Variants in PBX1 observed in about 807,000 individuals in gnomAD.
PBX1 encodes PBX homeobox 1, also known as pre-B-cell leukemia transcription factor 1.
A neutral mutation model predicts 53.4 loss-of-function variants in PBX1; 6 were observed. That is an observed-to-expected ratio of 0.11 (90% CI 0.06 to 0.22). PBX1 has a LOEUF of 0.22. Among genes scored for constraint, PBX1 ranks in the 10% least tolerant of loss-of-function variants. PBX1 has a pLI of 1.00. For missense variants in PBX1, 251 were observed against 551.4 expected, an observed-to-expected ratio of 0.46 and a Z score of 5.46; for synonymous variants, 204 against 212.3, an observed-to-expected ratio of 0.96 and a Z score of 0.34.
intron 2 of PBX1, among the ~76,000 whole-genome samples, chr1:164,709,631 C>T (rs984608342): frequency 6.6e-6 from 1 of 151,660 alleles, no homozygotes; most frequent in African/African-American, 2.4e-5. Context: ...GCTGGCCAGT[C>T]TCTTATTAAT....
chr1:164,578,059 A>G (rs1477864479), intron 2 of PBX1, among the ~76,000 whole-genome samples: 6 of 152,080 alleles, frequency 3.9e-5, no homozygotes, highest in Non-Finnish European at 5.9e-5. Context: ...CATTTATTCT[A>G]TTGACTCCTC....
chr1:164,740,066 G>A (rs1665522952), intron 2 of PBX1, among the ~76,000 whole-genome samples: 1 of 152,144 alleles, frequency 6.6e-6, no homozygotes, highest in Non-Finnish European at 1.5e-5. Flanking sequence ...TTTTATGTCT[G>A]AAGAAGAAAC....
intron 2 of PBX1, among the ~76,000 whole-genome samples, chr1:164,740,314 G>A (rs1017284392): frequency 6.6e-5 from 10 of 151,798 alleles, no homozygotes; most frequent in African/African-American, 1.9e-4. Flanking sequence ...TACTTTATAC[G>A]TGCCAAAGAA....
At chr1:164,729,373 C>CT (rs1370310330) in intron 2 of PBX1, among the ~76,000 whole-genome samples, 5 of 151,958 alleles carry the variant, frequency 3.3e-5, no homozygotes, top group Non-Finnish European at 5.9e-5. Context: ...TTTTTCCTTC[C>CT]TTTTTTTCCT....
intron 2 of PBX1, among the ~76,000 whole-genome samples, chr1:164,630,174 G>T (rs1453128989): frequency 2.0e-5 from 3 of 152,078 alleles, no homozygotes; most frequent in African/African-American, 7.2e-5. Flanking sequence ...GTTTTCACTG[G>T]GCAAAATAAT....
At chr1:164,784,330 C>G (rs899443094) in intron 2 of PBX1, among the ~76,000 whole-genome samples, 2 of 152,322 alleles carry the variant, frequency 1.3e-5, no homozygotes, top group South Asian at 2.1e-4. Flanking sequence ...GCAGCCGGCA[C>G]CCATCCAGAA....
rs1571055342 is a variant in PBX1, at chr1:164,607,813, A to G, written c.265+44502A>G. Among the ~76,000 whole-genome samples, 4 of 152,306 alleles carry G rather than the reference A, an allele frequency of 2.6e-5. No individual in the cohort carries two copies. In the East Asian group the frequency reaches 7.7e-4, roughly 29 times the overall value. ...GGCAAGAGAAAAATCTGGAGGGAGT[A>G]GCATCTTAAAAGCCAAGGGGAGTTT... On this transcript the variant is annotated intron_variant, in intron 2 of 8. Transcript: ENST00000420696.
intron 2 of PBX1, among the ~76,000 whole-genome samples, chr1:164,739,592 C>G (rs1665487274): frequency 6.6e-6 from 1 of 152,138 alleles, no homozygotes; most frequent in Non-Finnish European, 1.5e-5. Context: ...TTTCTAAAAG[C>G]AGATATGGCA....
intron 3 of PBX1, among the ~76,000 whole-genome samples, chr1:164,794,005 G>T (rs1668664092): frequency 6.6e-6 from 1 of 151,290 alleles, no homozygotes; most frequent in Non-Finnish European, 1.5e-5. Flanking sequence ...CTCCTGAGTA[G>T]CTGGGATTAC....
At chr1:164,803,706 C>A (rs1258675333) in intron 4 of PBX1, among the ~76,000 whole-genome samples, 1 of 152,146 alleles carries the variant, frequency 6.6e-6, no homozygotes, top group Admixed American at 6.5e-5. Context: ...AGGAAAGATC[C>A]ACTGAAAACC....
At chr1:164,738,672 C>T (rs1001107666) in intron 2 of PBX1, among the ~76,000 whole-genome samples, 1 of 152,164 alleles carries the variant, frequency 6.6e-6, no homozygotes, top group Non-Finnish European at 1.5e-5. Context: ...CTTTTCCATA[C>T]AGGACAAATT....
At chr1:164,617,418 G>A (rs1044781123) in intron 2 of PBX1, among the ~76,000 whole-genome samples, 1 of 152,212 alleles carries the variant, frequency 6.6e-6, no homozygotes, top group African/African-American at 2.4e-5. Context: ...TTTCCAATAT[G>A]GGATCAGACA....
In PBX1 at chr1:164,867,947, C is replaced by T. The variant is rs1571544661; in HGVS notation, n.258-31241C>T. 4.6e-5 allele frequency among the ~76,000 whole-genome samples: 7 copies of T among 152,348 alleles called. 2 individuals are homozygous for T. Among genetic ancestry groups the T allele is most frequent in the Admixed American group, 4.6e-4 (7 of 15,308 alleles). On this transcript the variant is annotated intron_variant and non_coding_transcript_variant, in intron 2 of 2. Coordinates refer to the PBX1 transcript ENST00000558796. ...AGAAAAAAAGACCCAGCATTATCTT[C>T]TTTTCATACACTCCTCCTAATACCC...
At chr1:164,700,601 C>G in intron 2 of PBX1, 1 of 985,410 alleles carries the variant, frequency 1.0e-6, no homozygotes, top group Non-Finnish European at 1.2e-6. Context: ...TTTATTACCT[C>G]ATGGTCTAGT....
intron 2 of PBX1, chr1:164,590,481 C>T (rs1655297371): frequency 4.4e-6 from 2 of 455,816 alleles, no homozygotes; most frequent in South Asian, 1.5e-5. Context: ...CCTAAACTGA[C>T]GAGGAGGAAG....
intron 2 of PBX1, among the ~76,000 whole-genome samples, chr1:164,742,897 C>T (rs1454036899): frequency 6.6e-6 from 1 of 152,108 alleles, no homozygotes; most frequent in African/African-American, 2.4e-5. Flanking sequence ...GACTGTAGAG[C>T]GGTTGACAGA....
Position 164,572,475 on chromosome 1 carries a change from GA to G in PBX1, c.265+9171del, listed in dbSNP as rs1173789361. On this transcript the variant is annotated intron_variant, in intron 2 of 8. Coordinates refer to ENST00000420696, the MANE Select transcript of PBX1 (RefSeq NM_002585.4). Reference sequence around the variant, plus strand: ...TTAGAACTATTTGCATTTTAAAGAGGAAAAAAAGTAAGACAAAGGAATGATT... The same window carrying G: ...TTAGAACTATTTGCATTTTAAAGAGGAAAAAAGTAAGACAAAGGAATGATT... Among the ~76,000 whole-genome samples the G allele has an allele frequency of 3.3e-5, 5 of 152,122 alleles. No homozygotes were observed. The East Asian group carries it at 5.8e-4, about 18-fold the overall frequency.
rs148144809 is a variant in PBX1 at position 164,765,987 on chromosome 1, T to C, written c.266-26507T>C. On this transcript the variant is annotated intron_variant, in intron 2 of 8. Transcript: ENST00000420696. ...GCCCCTAGCAAAGTTCTAAATGCCG[T>C]TGGGGGAAAAAAGAAGGGTAAAATA... Among the ~76,000 whole-genome samples the C allele has an allele frequency of 2.1e-3, 313 of 152,188 alleles. 1 individual carries two copies. Among genetic ancestry groups the C allele is most frequent in the Non-Finnish European group, 3.3e-3 (222 of 67,990 alleles).
At chr1:164,626,101 GTGTTCGATATC>G (rs1464684547) in intron 2 of PBX1, 1 of 1,027,114 alleles carries the variant, frequency 9.7e-7, no homozygotes, top group East Asian at 6.1e-5. Context: ...GCAAAGGTGA[GTGTTCGATATC>G]TTTGCAGGCT....
Sources: gnomAD v4.1 joint callset for allele counts (sites outside exome capture counted in the v4.1 genomes callset) on GRCh38, gnomAD v4.1.1 for gene constraint, MANE v1.5 for transcripts, NCBI Gene and HGNC (gene_info 2026-07-23, HGNC 2026-07-21) for gene names.